The following LOXL2 variants were observed in gnomAD, a reference collection of about 807,000 sequenced individuals.
LOXL2 encodes the protein lysyl oxidase like 2.
In LOXL2, 70 loss-of-function variants were observed where a neutral mutation model predicts 93.0. The observed-to-expected ratio is 0.75, with a 90% CI of 0.62 to 0.92. LOXL2 has a LOEUF of 0.92. Among genes scored for constraint, LOXL2 ranks in the 40% least tolerant of loss-of-function variants. The pLI, the probability that LOXL2 is intolerant of heterozygous loss-of-function variation, is 0.00. For missense variants in LOXL2, 973 were observed against 1,054.9 expected (o/e 0.92, Z 1.08); for synonymous variants, 438 against 413.2 (o/e 1.06, Z -0.73).
chr8:23,391,620 A>G, intron 1 of LOXL2, among the ~76,000 whole-genome samples: 1 of 152,204 alleles, frequency 6.6e-6, no homozygotes, highest in Admixed American at 6.5e-5. Context: ...TCAAGGCGAT[A>G]TTGAAGTCCA....
At chr8:23,326,412 G>A (rs1009704660) in intron 6 of LOXL2, among the ~76,000 whole-genome samples, 1 of 152,130 alleles carries the variant, frequency 6.6e-6, no homozygotes, top group African/African-American at 2.4e-5. Flanking sequence ...CCCTTGGAGA[G>A]CACAAACCCA....
chr8:23,321,294 C>A (rs1461816207), intron 7 of LOXL2, among the ~76,000 whole-genome samples: 1 of 143,600 alleles, frequency 7.0e-6, no homozygotes, highest in Non-Finnish European at 1.5e-5. Context: ...GCTTACCAGG[C>A]CCGGGATGGC....
chr8:23,386,378 G>C (rs1804759968), intron 1 of LOXL2, among the ~76,000 whole-genome samples: 1 of 152,170 alleles, frequency 6.6e-6, no homozygotes, highest in Admixed American at 6.5e-5. Flanking sequence ...GGGCGACAGA[G>C]CAAGACTCCC....
intron 8 of LOXL2, among the ~76,000 whole-genome samples, chr8:23,318,953 G>A (rs1467325179): frequency 1.3e-5 from 2 of 152,214 alleles, no homozygotes; most frequent in Admixed American, 6.5e-5. Flanking sequence ...GAGACAGTCA[G>A]GCTCAGTAAG....
intron 1 of LOXL2, among the ~76,000 whole-genome samples, chr8:23,397,793 AAAAG>A (rs1800110910): frequency 2.7e-5 from 4 of 150,332 alleles, no homozygotes; most frequent in Admixed American, 1.3e-4. Flanking sequence ...AAAAAAAAAA[AAAAG>A]AAAGAAATAT....
intron 1 of LOXL2, among the ~76,000 whole-genome samples, chr8:23,396,475 G>A (rs533806800): frequency 1.3e-5 from 2 of 152,208 alleles, no homozygotes; most frequent in Non-Finnish European, 2.9e-5. Flanking sequence ...CAGAAAGGCA[G>A]GAGTTCTCCA....
Position 23,298,831 on chromosome 8 carries a change from C to T in LOXL2, c.2245+5G>A. On this transcript the variant is annotated splice_donor_5th_base_variant and intron_variant, in intron 13 of 13. Coordinates refer to ENST00000389131, the MANE Select transcript of LOXL2 (RefSeq NM_002318.3). ...CTTCCTGGAGTGGGGGCGGCCTGGC[C>T]TTACCTATGTGGCAGTTGTACATCC... The T allele has an allele frequency of 6.3e-7, 1 of 1,599,838 alleles. No homozygotes were observed. Among genetic ancestry groups the T allele is most frequent in the Non-Finnish European group, 8.6e-7 (1 of 1,167,314 alleles).
Position 23,333,467 on chromosome 8 carries a change from A to T in LOXL2, c.900T>A (p.Ser300Arg), listed in dbSNP as rs762949028. ...TCENGLPAVV[S>R]CVPGQVFSPD... ...GGCTGAAGACCTGCCCAGGCACACA[A>T]CTCACCACGGCCGGTAGCCCATTCT... The change falls in exon 5 of 14, where the codon AGT becomes AGA. Residue 300 changes from serine to arginine, a missense_variant. Physicochemically the swap from Ser to Arg is moderately radical, Grantham distance 110. Coordinates refer to ENST00000389131, the MANE Select transcript of LOXL2 (RefSeq NM_002318.3). The T allele has an allele frequency of 6.2e-7, 1 of 1,613,588 alleles. No homozygotes were observed.
intron 6 of LOXL2, among the ~76,000 whole-genome samples, chr8:23,327,783 C>T (rs13262897): frequency 0.58 from 87,836 of 152,044 alleles, 27,805 homozygotes; most frequent in Middle Eastern, 0.73. Context: ...TTTCCACCAA[C>T]GGACCCACTT....
intron 4 of LOXL2, among the ~76,000 whole-genome samples, chr8:23,335,695 C>G (rs560185218): frequency 6.6e-6 from 1 of 152,192 alleles, no homozygotes; most frequent in South Asian, 2.1e-4. Flanking sequence ...CCAGAAGGAG[C>G]CAGCAGAGGG....
At chr8:23,342,108 C>T (rs568705063) in intron 3 of LOXL2, among the ~76,000 whole-genome samples, 7 of 152,290 alleles carry the variant, frequency 4.6e-5, no homozygotes, top group African/African-American at 1.7e-4. Flanking sequence ...AGGCGCCTGC[C>T]TCCCTGCCAC....
At chr8:23,315,915 G>C (rs941479421) in intron 9 of LOXL2, among the ~76,000 whole-genome samples, 1 of 152,170 alleles carries the variant, frequency 6.6e-6, no homozygotes, top group Non-Finnish European at 1.5e-5. Context: ...GATAAATAAA[G>C]AAAAGGCCCC....
rs1035436281 is a variant in LOXL2 at position 23,319,816 on chromosome 8, G to C, written c.1470+69C>G. ...TAGGGAGGGTACGTGGGAGAGGGGG[G>C]CTGACTGAAGACAGTGTGGTCAGAC... On this transcript the variant is annotated intron_variant, in intron 8 of 13. Coordinates refer to ENST00000389131, the MANE Select transcript of LOXL2 (RefSeq NM_002318.3). 7 of 1,512,544 alleles carry C rather than the reference G, an allele frequency of 4.6e-6. No homozygotes were observed. In the African/African-American group the frequency reaches 8.2e-5, roughly 18 times the overall value. The allele number at this position is 1,512,544 out of a possible 1,614,324, so 93.7% of individuals were successfully genotyped here. A position where few individuals can be genotyped will look rare whatever the true frequency, so the allele number is the denominator to read the frequency against.
chr8:23,357,977 T>G (rs1267157749), intron 3 of LOXL2, among the ~76,000 whole-genome samples: 1 of 152,228 alleles, frequency 6.6e-6, no homozygotes, highest in Non-Finnish European at 1.5e-5. Flanking sequence ...ATTTATCTAT[T>G]GCATACAATG....
At chr8:23,326,794 G>A (rs147186443) in intron 6 of LOXL2, among the ~76,000 whole-genome samples, 38 of 152,274 alleles carry the variant, frequency 2.5e-4, no homozygotes, top group African/African-American at 8.9e-4. Context: ...CCCAGGGAAG[G>A]AGCACTGTTA....
chr8:23,305,426 G>A (rs1218764862), intron 10 of LOXL2, among the ~76,000 whole-genome samples: 4 of 152,130 alleles, frequency 2.6e-5, no homozygotes, highest in African/African-American at 4.8e-5. Flanking sequence ...ATCTCGCTTT[G>A]CCTCTTAGGC....
intron 1 of LOXL2, among the ~76,000 whole-genome samples, chr8:23,393,205 T>C (rs924883270): frequency 6.6e-6 from 1 of 152,214 alleles, no homozygotes; most frequent in African/African-American, 2.4e-5. Flanking sequence ...ATTGACAAGC[T>C]GATTGATTCT....
intron 9 of LOXL2, among the ~76,000 whole-genome samples, chr8:23,313,521 A>C (rs2117150710): frequency 6.7e-6 from 1 of 148,966 alleles, no homozygotes; most frequent in South Asian, 2.1e-4. Context: ...ATCTTTGACA[A>C]ACCTGAGAAA....
intron 1 of LOXL2, among the ~76,000 whole-genome samples, chr8:23,397,960 C>CA (rs11295140): frequency 0.012 from 1,055 of 90,878 alleles, 39 homozygotes; most frequent in Non-Finnish European, 0.013. Flanking sequence ...GACTCTGTCT[C>CA]AAAAAAAAAA....
Sources: allele counts gnomAD v4.1 joint callset (sites outside exome capture counted in the v4.1 genomes callset), GRCh38; gene constraint gnomAD v4.1.1; transcripts MANE v1.5; gene names NCBI Gene and HGNC (gene_info 2026-07-23, HGNC 2026-07-21).